HNF4A: variants seen among roughly 807,000 people sequenced by gnomAD.
The protein encoded by HNF4A is hepatocyte nuclear factor 4 alpha.
A neutral mutation model predicts 52.4 loss-of-function variants in HNF4A; 15 were observed. The ratio of observed to expected loss-of-function variants is 0.29; its 90% CI spans 0.19 to 0.44. HNF4A has a LOEUF of 0.44. Among genes scored for constraint, HNF4A ranks in the 20% least tolerant of loss-of-function variants. The pLI is 1.00. For synonymous variants in HNF4A, 280 were observed against 264.4 expected (o/e 1.06, Z -0.57); for missense variants, 479 against 647.2 (o/e 0.74, Z 2.82).
intron 1 of HNF4A, among the ~76,000 whole-genome samples, chr20:44,363,307 T>G (rs1287538163): frequency 1.3e-5 from 2 of 152,088 alleles, no homozygotes; most frequent in Non-Finnish European, 2.9e-5. Flanking sequence ...ATTTGAACGA[T>G]TATTATTATT....
chr20:44,423,871 C>T (rs1019791865), intron 7 of HNF4A, 147 bp from the exon 8 acceptor site: 6 of 711,216 alleles, frequency 8.4e-6, no homozygotes, highest in Non-Finnish European at 1.5e-5. Context: ...TGCTGGCGTA[C>T]CCTGGTTGTT....
rs767866896 is a variant in HNF4A at position 44,363,327 on chromosome 20, G to C, written c.49+7474G>C. Reference sequence around the variant, plus strand: ...AACGATTATTATTATTATACCTATAGTGTGTGCATCTACTATATGCAAAGG... The same window carrying C: ...AACGATTATTATTATTATACCTATACTGTGTGCATCTACTATATGCAAAGG... On this transcript the variant is annotated intron_variant, in intron 1 of 9. Coordinates refer to the HNF4A transcript ENST00000316673. Among the ~76,000 whole-genome samples, 3 of 152,256 alleles carry C rather than the reference G, an allele frequency of 2.0e-5. No individual in the cohort carries two copies. The South Asian group carries it at 6.2e-4, about 32-fold the overall frequency.
chr20:44,406,745 C>T (rs562221798), intron 2 of HNF4A, among the ~76,000 whole-genome samples: 3 of 152,340 alleles, frequency 2.0e-5, no homozygotes, highest in South Asian at 2.1e-4. Context: ...CTGTCAATTG[C>T]GAGCACTTGT....
At chr20:44,412,496 G>A (rs1285825137) in intron 3 of HNF4A, among the ~76,000 whole-genome samples, 1 of 152,176 alleles carries the variant, frequency 6.6e-6, no homozygotes, top group Non-Finnish European at 1.5e-5. Context: ...TTCGCGGACA[G>A]AGTGTGTAGG....
chr20:44,370,144 A>G (rs970811191), intron 1 of HNF4A, among the ~76,000 whole-genome samples: 3 of 151,974 alleles, frequency 2.0e-5, no homozygotes, highest in African/African-American at 7.2e-5. Context: ...CTCCCGCCTC[A>G]GCCCCCCCAA....
intron 1 of HNF4A, among the ~76,000 whole-genome samples, chr20:44,387,326 G>A (rs2063238218): frequency 6.7e-6 from 1 of 148,636 alleles, no homozygotes; most frequent in Non-Finnish European, 1.5e-5. Context: ...AGTATTCCAG[G>A]CAGAGGGGAA....
intron 1 of HNF4A, chr20:44,402,727 C>G (rs1406043507): frequency 2.4e-6 from 2 of 816,722 alleles, no homozygotes; most frequent in East Asian, 6.5e-5. Context: ...GGAGAGGGGG[C>G]AGGCAGCTGG....
At chr20:44,364,433 A>G (rs1298050684) in intron 1 of HNF4A, among the ~76,000 whole-genome samples, 1 of 152,176 alleles carries the variant, frequency 6.6e-6, no homozygotes, top group African/African-American at 2.4e-5. Context: ...GTGTGTTTCA[A>G]ACTGCAATCT....
At chr20:44,367,064 G>A (rs907846196) in intron 1 of HNF4A, among the ~76,000 whole-genome samples, 20 of 152,156 alleles carry the variant, frequency 1.3e-4, no homozygotes, top group Non-Finnish European at 2.6e-4. Flanking sequence ...GGCCGGGTGC[G>A]GTGGCTCACG....
intron 1 of HNF4A, among the ~76,000 whole-genome samples, chr20:44,403,215 G>T (rs3181206): frequency 0.075 from 11,475 of 152,248 alleles, 1,413 homozygotes; most frequent in African/African-American, 0.25. Flanking sequence ...TGAACTGGGA[G>T]TCCCAAAGAC....
chr20:44,395,140 T>C (rs142360182), intron 1 of HNF4A, among the ~76,000 whole-genome samples: 3 of 152,218 alleles, frequency 2.0e-5, no homozygotes. Flanking sequence ...AAGTAGAAAG[T>C]GCTCGTTGTT....
intron 1 of HNF4A, among the ~76,000 whole-genome samples, chr20:44,404,227 G>C (rs188835690): frequency 6.6e-6 from 1 of 152,226 alleles, no homozygotes; most frequent in African/African-American, 2.4e-5. Flanking sequence ...AGAATTCACC[G>C]AATCCCCATA....
intron 1 of HNF4A, among the ~76,000 whole-genome samples, chr20:44,388,126 T>C (rs1343836101): frequency 6.6e-6 from 1 of 151,458 alleles, no homozygotes; most frequent in Non-Finnish European, 1.5e-5. Context: ...TCTCACTCTA[T>C]CACCCAGGCT....
upstream of HNF4A, among the ~76,000 whole-genome samples, chr20:44,399,035 G>T (rs576886854): frequency 2.0e-5 from 3 of 152,216 alleles, no homozygotes; most frequent in Non-Finnish European, 4.4e-5. Context: ...GCCCTTGGAG[G>T]CTCCTCCCGG....
At chr20:44,370,984 G>C (rs1234333706) in intron 1 of HNF4A, among the ~76,000 whole-genome samples, 1 of 152,216 alleles carries the variant, frequency 6.6e-6, no homozygotes, top group East Asian at 1.9e-4. Context: ...AGGTCAGAAA[G>C]TTGTCAAAAC....
upstream of HNF4A, among the ~76,000 whole-genome samples, chr20:44,399,718 C>T (rs1361926810): frequency 6.6e-6 from 1 of 152,258 alleles, no homozygotes; most frequent in South Asian, 2.1e-4. Context: ...AGTAATTTAC[C>T]CTCATTCGTT....
At chr20:44,364,477 AT>A (rs1226037107) in intron 1 of HNF4A, among the ~76,000 whole-genome samples, 5 of 147,722 alleles carry the variant, frequency 3.4e-5, no homozygotes, top group Non-Finnish European at 6.0e-5. Context: ...TTTTTTTTTT[AT>A]TTTTTTTTTC....
chr20:44,410,539 G>A (rs746706426), intron 3 of HNF4A, among the ~76,000 whole-genome samples: 1 of 152,000 alleles, frequency 6.6e-6, no homozygotes, highest in East Asian at 1.9e-4. Flanking sequence ...AGAAAGTCTC[G>A]GTGGAAGTCT....
chr20:44,399,102 CCA>C (rs2063379044), upstream of HNF4A, among the ~76,000 whole-genome samples: 1 of 152,112 alleles, frequency 6.6e-6, no homozygotes, highest in Admixed American at 6.5e-5. Context: ...CTGTTTCTTC[CCA>C]CCTCTGCACT....
Sources: allele counts gnomAD v4.1 joint callset (sites outside exome capture counted in the v4.1 genomes callset), GRCh38; gene constraint gnomAD v4.1.1; transcripts MANE v1.5; gene names NCBI Gene and HGNC (gene_info 2026-07-23, HGNC 2026-07-21).